DLGAP2: variants seen among roughly 807,000 people sequenced by gnomAD.
DLGAP2 encodes disks large-associated protein 2.
A neutral mutation model predicts 100.3 loss-of-function variants in DLGAP2; 26 were observed. The observed-to-expected ratio is 0.26, with a 90% CI of 0.19 to 0.36. The LOEUF is 0.36. DLGAP2 is among the 10% of genes least tolerant of loss of function. The pLI is 1.00. For synonymous variants in DLGAP2, 886 were observed against 630.1 expected (o/e 1.41, Z -6.08); for missense variants, 1,858 against 1,453.2 (o/e 1.28, Z -4.53).
At chr8:1,048,992 T>C (rs929679242) in intron 2 of DLGAP2, among the ~76,000 whole-genome samples, 1 of 152,184 alleles carries the variant, frequency 6.6e-6, no homozygotes, top group Non-Finnish European at 1.5e-5. Flanking sequence ...CCAGGAAGCA[T>C]GATAATTTGT....
At chr8:1,572,060 A>G (rs1210420385) in intron 6 of DLGAP2, among the ~76,000 whole-genome samples, 8 of 94,204 alleles carry the variant, frequency 8.5e-5, no homozygotes, top group East Asian at 3.9e-4. Context: ...ATGTCTGATG[A>G]GATGGAGAGG....
At chr8:1,527,032 C>T (rs530093668) in intron 4 of DLGAP2, among the ~76,000 whole-genome samples, 5 of 152,176 alleles carry the variant, frequency 3.3e-5, no homozygotes, top group Admixed American at 1.3e-4. Flanking sequence ...TGCAGGCTCA[C>T]GTTCACATGC....
At chr8:996,862 G>T (rs1245047922) in intron 2 of DLGAP2, among the ~76,000 whole-genome samples, 2 of 152,048 alleles carry the variant, frequency 1.3e-5, no homozygotes, top group African/African-American at 4.8e-5. Context: ...AAGCCCCCAA[G>T]AACTTACACA....
chr8:1,461,234 T>C (rs367993225), intron 3 of DLGAP2, among the ~76,000 whole-genome samples: 1,332 of 45,926 alleles, frequency 0.029, 2 homozygotes, highest in East Asian at 0.15. Context: ...GGGAGAAGGG[T>C]GGCATTTGGG....
At chr8:1,299,648 G>C (rs1800283191) in intron 3 of DLGAP2, among the ~76,000 whole-genome samples, 1 of 152,112 alleles carries the variant, frequency 6.6e-6, no homozygotes, top group Admixed American at 6.5e-5. Flanking sequence ...CTGCAAATTA[G>C]AAGCAATAAT....
At chr8:1,177,738 G>A (rs1337650448) in intron 2 of DLGAP2, among the ~76,000 whole-genome samples, 2 of 152,160 alleles carry the variant, frequency 1.3e-5, no homozygotes, top group Non-Finnish European at 2.9e-5. Context: ...CAGGTTCGAT[G>A]TCTGGTGAGG....
chr8:1,028,666 C>T (rs1251009677), intron 2 of DLGAP2, among the ~76,000 whole-genome samples: 1 of 152,220 alleles, frequency 6.6e-6, no homozygotes, highest in Non-Finnish European at 1.5e-5. Flanking sequence ...GGAGAGCCAT[C>T]CAGGAGCTAG....
chr8:1,436,338 T>G (rs973062603), intron 3 of DLGAP2, among the ~76,000 whole-genome samples: 1 of 152,174 alleles, frequency 6.6e-6, no homozygotes, highest in Non-Finnish European at 1.5e-5. Context: ...GCAGGAGGCA[T>G]CCAGCATGGG....
chr8:1,352,511 A>G (rs1011781639), intron 3 of DLGAP2, among the ~76,000 whole-genome samples: 8 of 152,202 alleles, frequency 5.3e-5, no homozygotes, highest in South Asian at 2.1e-4. Context: ...CAGACGTCTT[A>G]AGTGCCACCA....
At chr8:1,477,234 G>A (rs1370821661) in intron 3 of DLGAP2, among the ~76,000 whole-genome samples, 1 of 152,174 alleles carries the variant, frequency 6.6e-6, no homozygotes, top group East Asian at 1.9e-4. Flanking sequence ...CACCCTCTTT[G>A]CCTAGGTCAG....
intron 2 of DLGAP2, among the ~76,000 whole-genome samples, chr8:1,021,631 C>G (rs1385280325): frequency 1.3e-5 from 2 of 152,180 alleles, no homozygotes; most frequent in Non-Finnish European, 2.9e-5. Context: ...ACAGATAATT[C>G]ACTAAGTTAA....
intron 5 of DLGAP2, chr8:1,565,477 C>T: frequency 5.6e-6 from 3 of 531,998 alleles, no homozygotes; most frequent in Non-Finnish European, 6.6e-6. Context: ...ATAGTGTTTA[C>T]CTATCACTTA....
intron 1 of DLGAP2, among the ~76,000 whole-genome samples, chr8:799,995 T>C (rs1433634035): frequency 2.6e-5 from 4 of 152,200 alleles, no homozygotes; most frequent in Non-Finnish European, 5.9e-5. Flanking sequence ...AAAGCCGCAG[T>C]GATGGCCAGA....
chr8:1,085,172 T>C (rs1272315263), intron 2 of DLGAP2, among the ~76,000 whole-genome samples: 1 of 152,244 alleles, frequency 6.6e-6, no homozygotes, highest in African/African-American at 2.4e-5. Context: ...TTTTGAGAAA[T>C]GTGTGTTCAG....
intron 2 of DLGAP2, among the ~76,000 whole-genome samples, chr8:1,208,332 C>T (rs529409222): frequency 1.3e-5 from 2 of 152,198 alleles, no homozygotes; most frequent in East Asian, 3.9e-4. Context: ...CCTTTCCCCG[C>T]TTATGTTTTT....
rs1444302553 is a variant in DLGAP2 at position 1,417,669 on chromosome 8, G to A, written c.107-83697G>A. On this transcript the variant is annotated intron_variant, in intron 3 of 14. Coordinates refer to ENST00000637795, the MANE Select transcript of DLGAP2 (RefSeq NM_001346810.2). ...GGGAGCCCCACTCCTGCCTCACTCC[G>A]CGAGGCTCCAGGGGGGCACAGGGGG... Among the ~76,000 whole-genome samples the A allele has an allele frequency of 1.9e-4, 28 of 150,324 alleles. 1 individual carries two copies. The highest frequency in any genetic ancestry group is 6.9e-4 in the African/African-American group (28 of 40,590).
intron 2 of DLGAP2, among the ~76,000 whole-genome samples, chr8:1,179,719 C>G (rs1797340053): frequency 6.6e-6 from 1 of 152,152 alleles, no homozygotes; most frequent in African/African-American, 2.4e-5. Flanking sequence ...CCTTAATATA[C>G]AGTTACACAG....
At chr8:998,645 T>C (rs996454706) in intron 2 of DLGAP2, among the ~76,000 whole-genome samples, 2 of 152,124 alleles carry the variant, frequency 1.3e-5, no homozygotes, top group Non-Finnish European at 2.9e-5. Flanking sequence ...AGTTTTATTA[T>C]TGAGTTGTTC....
At chr8:1,381,344 G>A (rs942529624) in intron 3 of DLGAP2, 3 of 152,190 alleles carry the variant, frequency 2.0e-5, no homozygotes, top group South Asian at 2.1e-4. Context: ...GGGCCGTTAC[G>A]GTTCCTGCTT....
Sources: allele counts gnomAD v4.1 joint callset (sites outside exome capture counted in the v4.1 genomes callset), GRCh38; gene constraint gnomAD v4.1.1; transcripts MANE v1.5; gene names NCBI Gene and HGNC (gene_info 2026-07-23, HGNC 2026-07-21).